The following EPC2 variants were observed in gnomAD, a reference collection of about 807,000 sequenced individuals.
EPC2 encodes enhancer of polycomb 2.
EPC2 carries 14 observed loss-of-function variants against 92.1 expected under a neutral mutation model. That is an observed-to-expected ratio of 0.15 (90% CI 0.10 to 0.24). The LOEUF is 0.24. Among genes scored for constraint, EPC2 ranks in the 10% least tolerant of loss-of-function variants. The pLI is 1.00. For missense variants in EPC2, 755 were observed against 971.5 expected (o/e 0.78, Z 2.96); for synonymous variants, 340 against 334.7 (o/e 1.02, Z -0.17).
chr2:148,763,137 A>G (rs1232565528), intron 6 of EPC2, among the ~76,000 whole-genome samples: 1 of 152,156 alleles, frequency 6.6e-6, no homozygotes, highest in Non-Finnish European at 1.5e-5. Flanking sequence ...AAGTCTAGTT[A>G]TTATCACTAG....
chr2:148,645,169 C>T lies in EPC2; in HGVS notation c.152C>T (p.Ser51Leu). 1 of 1,606,808 alleles carries T rather than the reference C, an allele frequency of 6.2e-7. No homozygotes were observed. The highest frequency in any genetic ancestry group is 1.3e-5 in the African/African-American group (1 of 74,654). The change falls in exon 1 of 14, where the codon TCG (serine) becomes TTG (leucine). Residue 51 changes from serine (S) to leucine (L), a missense_variant and splice_region_variant. By Grantham distance (145) the Ser-to-Leu change is moderately radical. Around this residue, in one of 4 missense-constraint regions of EPC2, gnomAD observed 36 missense variants for 84.0 expected, o/e 0.43. Transcript: ENST00000258484. ...MPTGMEKEEE[S>L]EHHLQRAISA... ...ACCGGGATGGAGAAGGAGGAGGAAT[C>T]GGTAGGGACTCGAGTGTTTATTACC...
At chr2:148,750,056 G>A (rs1683058357) in intron 3 of EPC2, among the ~76,000 whole-genome samples, 1 of 152,058 alleles carries the variant, frequency 6.6e-6, no homozygotes, top group Non-Finnish European at 1.5e-5. Context: ...TAGAATTCTT[G>A]ACAGTTTTGA....
At chr2:148,645,570 C>T (rs1683781025) in intron 1 of EPC2, 1 of 178,970 alleles carries the variant, frequency 5.6e-6, no homozygotes, top group Non-Finnish European at 1.2e-5. Flanking sequence ...TTATTTTTTC[C>T]ACTTTTAACT....
At chr2:148,673,965 A>G (rs1681206111) in intron 1 of EPC2, among the ~76,000 whole-genome samples, 2 of 152,114 alleles carry the variant, frequency 1.3e-5, no homozygotes, top group South Asian at 4.1e-4. Flanking sequence ...TGAATTTTTT[A>G]TTAGATAATT....
intron 2 of EPC2, among the ~76,000 whole-genome samples, chr2:148,739,084 C>G (rs535013817): frequency 6.6e-6 from 1 of 152,280 alleles, no homozygotes; most frequent in African/African-American, 2.4e-5. Flanking sequence ...CCCAGGTTCA[C>G]AGTTCGTCAC....
intron 10 of EPC2, among the ~76,000 whole-genome samples, chr2:148,771,987 CAG>C (rs776744307): frequency 6.6e-6 from 1 of 151,958 alleles, no homozygotes; most frequent in East Asian, 1.9e-4. Context: ...TTAGTAGAGA[CAG>C]AGTTTCGCCA....
intron 1 of EPC2, chr2:148,645,460 C>T (rs940206147): frequency 5.3e-6 from 2 of 377,118 alleles, no homozygotes; most frequent in South Asian, 6.3e-5. Flanking sequence ...AGGGGATGCG[C>T]TGGCCGCTCT....
intron 4 of EPC2, among the ~76,000 whole-genome samples, chr2:148,759,452 A>G (rs763422920): frequency 1.3e-5 from 2 of 152,200 alleles, no homozygotes; most frequent in South Asian, 2.1e-4. Flanking sequence ...AGCAGTAACT[A>G]TATTTTTTGC....
rs56073706 is a variant in EPC2 at position 148,776,856 on chromosome 2, CTTTTTTTTTT to C, written c.1721-4775_1721-4766del. ...ACATAGCAAGACCCTGTCTCTCTCTCTTTTTTTTTTTTTTTTTTTTTTGAGACAGAGTCTT... is the reference window on the plus strand; with the variant it reads ...ACATAGCAAGACCCTGTCTCTCTCTCTTTTTTTTTTTTGAGACAGAGTCTT... On this transcript the variant is annotated intron_variant, in intron 10 of 13. Coordinates refer to ENST00000258484, the MANE Select transcript of EPC2 (RefSeq NM_015630.4). 8.3e-4 allele frequency among the ~76,000 whole-genome samples: 84 copies of C among 101,044 alleles called. 2 individuals carry two copies. Among genetic ancestry groups the C allele is most frequent in the Admixed American group, 2.4e-4 (2 of 8,282 alleles). 66.3% of individuals were successfully genotyped at this position (101,044 alleles called of 152,430 possible). A position where few individuals can be genotyped will look rare whatever the true frequency, so the allele number is the denominator to read the frequency against.
Position 148,644,921 on chromosome 2 carries a change from A to G in EPC2, c.-97A>G. 9.2e-7 allele frequency: 1 copy of G among 1,085,944 alleles called. No homozygotes were observed. The highest frequency in any genetic ancestry group is 1.4e-5 in the South Asian group (1 of 69,938). The allele number at this position is 1,085,944 out of a possible 1,614,324, so 67.3% of individuals were successfully genotyped here. On this transcript the variant is annotated 5_prime_UTR_variant, in exon 1 of 14. Transcript: ENST00000258484. The stretch of plus-strand genomic sequence containing the variant: ...AGGAGGAGCGGGCCGGCCGCGCTGC[A>G]CTGAGGAAGGAGGTGGAGGAGGCGG...
At chr2:148,676,417 C>G (rs1044601646) in intron 1 of EPC2, among the ~76,000 whole-genome samples, 2 of 150,698 alleles carry the variant, frequency 1.3e-5, no homozygotes, top group African/African-American at 4.9e-5. Context: ...AATTAAAATG[C>G]AATATTTTTA....
At chr2:148,671,640 T>G (rs1456945117) in intron 1 of EPC2, among the ~76,000 whole-genome samples, 1 of 152,062 alleles carries the variant, frequency 6.6e-6, no homozygotes, top group Non-Finnish European at 1.5e-5. Flanking sequence ...TTTTCTATGG[T>G]CATATTTAAT....
chr2:148,749,835 A>T (rs1401761011), intron 3 of EPC2, among the ~76,000 whole-genome samples: 1 of 152,180 alleles, frequency 6.6e-6, no homozygotes, highest in Non-Finnish European at 1.5e-5. Context: ...TAATTATGTT[A>T]TATAAAGTTA....
At chr2:148,676,588 C>T (rs539911382) in intron 1 of EPC2, among the ~76,000 whole-genome samples, 43 of 151,944 alleles carry the variant, frequency 2.8e-4, no homozygotes, top group African/African-American at 9.6e-4. Flanking sequence ...GCTCCTTTCT[C>T]TACATATATA....
intron 10 of EPC2, among the ~76,000 whole-genome samples, chr2:148,771,666 A>T (rs1208974161): frequency 6.6e-6 from 1 of 152,166 alleles, no homozygotes. Flanking sequence ...ATCACAGCAC[A>T]GTACTATCTG....
At chr2:148,712,383 C>G (rs186012005) in intron 2 of EPC2, among the ~76,000 whole-genome samples, 9 of 152,074 alleles carry the variant, frequency 5.9e-5, no homozygotes, top group African/African-American at 1.9e-4. Flanking sequence ...TTCCTCCTTT[C>G]TGTCCCTTGT....
intron 2 of EPC2, among the ~76,000 whole-genome samples, chr2:148,700,042 G>C (rs146600413): frequency 2.0e-5 from 3 of 152,206 alleles, no homozygotes; most frequent in Non-Finnish European, 4.4e-5. Flanking sequence ...TGTGGTGTCT[G>C]TTCAGATCTT....
chr2:148,731,792 T>C (rs968887193), intron 2 of EPC2, among the ~76,000 whole-genome samples: 2 of 152,254 alleles, frequency 1.3e-5, no homozygotes, highest in African/African-American at 4.8e-5. Context: ...TGATAATTCA[T>C]AGATAAATGT....
intron 2 of EPC2, among the ~76,000 whole-genome samples, chr2:148,709,700 C>G (rs965402919): frequency 6.6e-6 from 1 of 152,178 alleles, no homozygotes; most frequent in African/African-American, 2.4e-5. Context: ...CACATATCTA[C>G]AACCATCTGA....
Sources: allele counts gnomAD v4.1 joint callset (sites outside exome capture counted in the v4.1 genomes callset), GRCh38; gene constraint gnomAD v4.1.1; regional missense constraint gnomAD v4.1.1; transcripts MANE v1.5; gene names NCBI Gene and HGNC (gene_info 2026-07-23, HGNC 2026-07-21).